UBE2E2: variants seen among roughly 807,000 people sequenced by gnomAD.
The protein encoded by UBE2E2 is ubiquitin conjugating enzyme E2 E2.
In UBE2E2, 6 loss-of-function variants were observed where a neutral mutation model predicts 24.7. The observed-to-expected ratio is 0.24, with a 90% CI of 0.13 to 0.48. The LOEUF is 0.48. Among genes scored for constraint, UBE2E2 ranks in the 20% least tolerant of loss-of-function variants. The pLI, the probability that UBE2E2 is intolerant of heterozygous loss-of-function variation, is 0.99. For synonymous variants in UBE2E2, 104 were observed against 83.6 expected (o/e 1.24, Z -1.33); for missense variants, 169 against 245.0 (o/e 0.69, Z 2.07).
rs1037795962 is a variant in UBE2E2 at position 23,528,502 on chromosome 3, T to G, written c.361-4052T>G. On this transcript the variant is annotated intron_variant, in intron 4 of 5. Transcript: ENST00000396703. Reference sequence around the variant, plus strand: ...TGGTGGGTTTTTATGATTTCAGATTTTTTCTTGAAGTTCCTGCCTCTTTCT... The same window carrying G: ...TGGTGGGTTTTTATGATTTCAGATTGTTTCTTGAAGTTCCTGCCTCTTTCT... Among the ~76,000 whole-genome samples, 13 of 152,230 alleles carry G rather than the reference T, an allele frequency of 8.5e-5. 2 individuals carry two copies. Among genetic ancestry groups the G allele is most frequent in the Admixed American group, 2.0e-4 (3 of 15,288 alleles).
At chr3:23,412,332 A>G (rs374838245) in intron 3 of UBE2E2, among the ~76,000 whole-genome samples, 3 of 152,114 alleles carry the variant, frequency 2.0e-5, no homozygotes, top group Non-Finnish European at 4.4e-5. Flanking sequence ...CCTTGTTTGT[A>G]TACTAGATCA....
chr3:23,233,562 A>G (rs17012861), intron 3 of UBE2E2, among the ~76,000 whole-genome samples: 4,374 of 152,272 alleles, frequency 0.029, 108 homozygotes, highest in East Asian at 0.13. Context: ...ACAAAACCTT[A>G]TGCATTTTAC....
At chr3:23,210,919 G>A (rs1186523903) in intron 2 of UBE2E2, among the ~76,000 whole-genome samples, 3 of 152,062 alleles carry the variant, frequency 2.0e-5, no homozygotes, top group African/African-American at 7.2e-5. Flanking sequence ...ATAAAAATGC[G>A]GCTTCACTAC....
At chr3:23,479,060 G>C (rs1262183315) in intron 3 of UBE2E2, among the ~76,000 whole-genome samples, 1 of 152,082 alleles carries the variant, frequency 6.6e-6, no homozygotes, top group Admixed American at 6.5e-5. Flanking sequence ...TTCAGGTGTT[G>C]CTTTTCTAGC....
At chr3:23,321,966 A>AT (rs1344832396) in intron 3 of UBE2E2, among the ~76,000 whole-genome samples, 4 of 151,970 alleles carry the variant, frequency 2.6e-5, no homozygotes, top group Admixed American at 1.3e-4. Context: ...TGTCAATGTT[A>AT]TTTTTCAACA....
intron 2 of UBE2E2, among the ~76,000 whole-genome samples, chr3:23,216,287 T>A (rs906094184): frequency 1.3e-5 from 2 of 152,180 alleles, no homozygotes; most frequent in Non-Finnish European, 2.9e-5. Context: ...GGATCCCATT[T>A]ATTCTAGTAG....
rs374066518 is a variant in UBE2E2 at position 23,359,205 on chromosome 3, A to T, written c.228-140403A>T. The stretch of plus-strand genomic sequence containing the variant: ...CCTGTGTTTCTTGTACTCTTTCAGG[A>T]TCATTTCCCTACTCTAATGATGTTG... On this transcript the variant is annotated intron_variant, in intron 3 of 5. Transcript: ENST00000396703. 2.5e-4 allele frequency among the ~76,000 whole-genome samples: 38 copies of T among 152,238 alleles called. 2 individuals carry two copies. In the South Asian group the frequency reaches 7.7e-3, roughly 31 times the overall value.
intron 5 of UBE2E2, among the ~76,000 whole-genome samples, chr3:23,566,182 G>C (rs977281477): frequency 4.6e-5 from 7 of 152,160 alleles, no homozygotes; most frequent in Non-Finnish European, 2.9e-5. Flanking sequence ...AAGGAGAAGA[G>C]CAAAGCATTG....
rs529313636 is a variant in UBE2E2, at chr3:23,348,215, C to T, written c.227+130903C>T. On this transcript the variant is annotated intron_variant, in intron 3 of 5. Coordinates refer to ENST00000396703, the MANE Select transcript of UBE2E2 (RefSeq NM_152653.4). ...GTCACTATGTTCAATTGAAATCAAC[C>T]TAGAGAACCTTATCTCTCTGCATAA... Among the ~76,000 whole-genome samples the T allele has an allele frequency of 2.6e-5, 4 of 152,134 alleles. No homozygotes were observed. In the East Asian group the frequency reaches 7.7e-4, roughly 29 times the overall value.
At chr3:23,585,628 A>G (rs182493148) in intron 5 of UBE2E2, among the ~76,000 whole-genome samples, 52 of 152,324 alleles carry the variant, frequency 3.4e-4, no homozygotes, top group African/African-American at 1.2e-3. Context: ...ATTTTTGAAC[A>G]AAAACAGAAA....
At chr3:23,448,229 G>T (rs963625452) in intron 3 of UBE2E2, among the ~76,000 whole-genome samples, 1 of 152,150 alleles carries the variant, frequency 6.6e-6, no homozygotes, top group African/African-American at 2.4e-5. Flanking sequence ...TGAAGCTCTT[G>T]CCACGAAGCC....
intron 3 of UBE2E2, among the ~76,000 whole-genome samples, chr3:23,460,536 A>C (rs1698785362): frequency 6.6e-6 from 1 of 152,234 alleles, no homozygotes; most frequent in Admixed American, 6.5e-5. Context: ...GGTAGACTCT[A>C]TATTGATATA....
At chr3:23,292,627 C>T (rs1172817338) in intron 3 of UBE2E2, among the ~76,000 whole-genome samples, 4 of 152,198 alleles carry the variant, frequency 2.6e-5, no homozygotes, top group Non-Finnish European at 5.9e-5. Context: ...AGCCCTCCAG[C>T]CTTTGAAATA....
At chr3:23,300,147 T>C (rs1024796932) in intron 3 of UBE2E2, among the ~76,000 whole-genome samples, 1 of 152,208 alleles carries the variant, frequency 6.6e-6, no homozygotes, top group Non-Finnish European at 1.5e-5. Context: ...TAGATCTTCC[T>C]CCATCCCTTT....
At chr3:23,326,671 G>C (rs1248018933) in intron 3 of UBE2E2, among the ~76,000 whole-genome samples, 3 of 151,934 alleles carry the variant, frequency 2.0e-5, no homozygotes, top group Non-Finnish European at 4.4e-5. Context: ...AAGGTTTTTT[G>C]TTTGTTTGTT....
chr3:23,241,141 A>AT (rs1353861992), intron 3 of UBE2E2, among the ~76,000 whole-genome samples: 1 of 152,126 alleles, frequency 6.6e-6, no homozygotes, highest in Non-Finnish European at 1.5e-5. Context: ...CTGTCTTTCC[A>AT]TTTAGGAGTC....
At chr3:23,273,797 A>G (rs1334436686) in intron 3 of UBE2E2, 1 of 152,410 alleles carries the variant, frequency 6.6e-6, no homozygotes, top group African/African-American at 2.4e-5. Context: ...GCTGGTTAAA[A>G]TATGACCCAG....
chr3:23,253,922 C>T (rs573124289), intron 3 of UBE2E2, among the ~76,000 whole-genome samples: 1 of 152,200 alleles, frequency 6.6e-6, no homozygotes, highest in African/African-American at 2.4e-5. Flanking sequence ...GGTGATCTTT[C>T]TTCTGACCTC....
chr3:23,484,871 A>G (rs1203073581), intron 3 of UBE2E2, among the ~76,000 whole-genome samples: 1 of 152,070 alleles, frequency 6.6e-6, no homozygotes, highest in Non-Finnish European at 1.5e-5. Context: ...ACCCACCCCC[A>G]TGATTCAATT....
Sources: allele counts gnomAD v4.1 joint callset (sites outside exome capture counted in the v4.1 genomes callset), GRCh38; gene constraint gnomAD v4.1.1; transcripts MANE v1.5; gene names NCBI Gene and HGNC (gene_info 2026-07-23, HGNC 2026-07-21).